Variants in SMIM36 observed in about 807,000 individuals in gnomAD.
The protein encoded by SMIM36 is small integral membrane protein 36.
chr17:55,488,290 G>T (rs778366867), intron 1 of SMIM36, among the ~76,000 whole-genome samples: 1 of 152,144 alleles, frequency 6.6e-6, no homozygotes, highest in African/African-American at 2.4e-5. Flanking sequence ...GAGGCATCCC[G>T]ACTGCAGTCT....
At chr17:55,457,718 G>T (rs996879924) in intron 4 of SMIM36, among the ~76,000 whole-genome samples, 1 of 151,774 alleles carries the variant, frequency 6.6e-6, no homozygotes, top group Non-Finnish European at 1.5e-5. Context: ...GTAGAGACGG[G>T]ATTCACTATA....
intron 1 of SMIM36, among the ~76,000 whole-genome samples, chr17:55,502,081 G>A (rs374020013): frequency 7.2e-5 from 11 of 151,832 alleles, no homozygotes; most frequent in African/African-American, 1.9e-4. Flanking sequence ...CTACGCCCAC[G>A]GAATCTCGCT....
chr17:55,499,966 C>A (rs1909878457), intron 1 of SMIM36, among the ~76,000 whole-genome samples: 1 of 151,000 alleles, frequency 6.6e-6, no homozygotes, highest in African/African-American at 2.4e-5. Context: ...GTGGCAGGGG[C>A]AAATAGGAAA....
chr17:55,469,715 C>T (rs544998904), intron 3 of SMIM36, among the ~76,000 whole-genome samples: 13 of 152,334 alleles, frequency 8.5e-5, no homozygotes, highest in Admixed American at 3.3e-4. Flanking sequence ...TGCAGTGGCT[C>T]ACGCCTGTAA....
At chr17:55,524,957 C>T in the SMIM36 span, among the ~76,000 whole-genome samples, 1 of 152,192 alleles carries the variant, frequency 6.6e-6, no homozygotes, top group African/African-American at 2.4e-5. Context: ...ATCCTCCCAG[C>T]AACTCTATGG....
the SMIM36 span, among the ~76,000 whole-genome samples, chr17:55,520,751 G>A: frequency 2.0e-5 from 3 of 152,242 alleles, no homozygotes. Context: ...GTGTTTGGCA[G>A]AGGTTCACTG....
the SMIM36 span, among the ~76,000 whole-genome samples, chr17:55,524,211 A>G: frequency 0.045 from 6,879 of 152,204 alleles, 516 homozygotes; most frequent in African/African-American, 0.15. Flanking sequence ...GCTAAGGATA[A>G]TGACCTCCAG....
chr17:55,486,535 G>A (rs1183666847), intron 1 of SMIM36, among the ~76,000 whole-genome samples: 2 of 152,116 alleles, frequency 1.3e-5, no homozygotes, highest in Non-Finnish European at 2.9e-5. Flanking sequence ...AGCTCCACAT[G>A]CCCATTTCAC....
chr17:55,464,362 A>G (rs908553243), intron 4 of SMIM36, among the ~76,000 whole-genome samples: 1 of 152,182 alleles, frequency 6.6e-6, no homozygotes, highest in African/African-American at 2.4e-5. Context: ...TTGCAGTGCT[A>G]CTTGTCTAGG....
chr17:55,509,420 C>G (rs1188692338), intron 1 of SMIM36, among the ~76,000 whole-genome samples: 3 of 152,208 alleles, frequency 2.0e-5, no homozygotes, highest in African/African-American at 7.2e-5. Flanking sequence ...TCTTTTAAGA[C>G]AAATCATCTT....
intron 1 of SMIM36, among the ~76,000 whole-genome samples, chr17:55,484,623 C>A (rs991362226): frequency 6.6e-6 from 1 of 152,178 alleles, no homozygotes; most frequent in African/African-American, 2.4e-5. Context: ...CTGCATCAGG[C>A]CTTTCGCTAA....
intron 1 of SMIM36, among the ~76,000 whole-genome samples, chr17:55,483,799 A>C (rs1909560452): frequency 6.6e-6 from 1 of 151,978 alleles, no homozygotes; most frequent in Non-Finnish European, 1.5e-5. Context: ...TAATTTTTGT[A>C]TTTTGAGTAG....
the SMIM36 span, chr17:55,527,246 A>C: frequency 1.3e-5 from 2 of 152,230 alleles, no homozygotes; most frequent in Non-Finnish European, 2.9e-5. Flanking sequence ...GCTGCTAAGG[A>C]ACATTCAGAG....
the SMIM36 span, among the ~76,000 whole-genome samples, chr17:55,524,212 T>C: frequency 1.3e-5 from 2 of 152,224 alleles, no homozygotes; most frequent in South Asian, 4.1e-4. Context: ...CTAAGGATAA[T>C]GACCTCCAGC....
At chr17:55,483,449 A>G (rs1488434248) in intron 1 of SMIM36, among the ~76,000 whole-genome samples, 1 of 152,216 alleles carries the variant, frequency 6.6e-6, no homozygotes, top group Non-Finnish European at 1.5e-5. Context: ...AAAGAGATTA[A>G]CATTTAAATC....
chr17:55,463,655 G>C (rs918276493), intron 4 of SMIM36, among the ~76,000 whole-genome samples: 1 of 152,170 alleles, frequency 6.6e-6, no homozygotes, highest in Non-Finnish European at 1.5e-5. Flanking sequence ...TACAGTTAAA[G>C]GGTAGACAAA....
At chr17:55,498,878 A>G (rs72840453) in intron 1 of SMIM36, among the ~76,000 whole-genome samples, 14,417 of 151,288 alleles carry the variant, frequency 0.095, 967 homozygotes, top group East Asian at 0.25. Context: ...ATGCACTTGT[A>G]ATCCCAGTTA....
At chr17:55,489,606 G>A (rs1238740352) in intron 1 of SMIM36, among the ~76,000 whole-genome samples, 1 of 152,094 alleles carries the variant, frequency 6.6e-6, no homozygotes, top group African/African-American at 2.4e-5. Context: ...ACACTCCTCT[G>A]CAATCCGGAT....
At chr17:55,515,164 G>A (rs1216033208), upstream of SMIM36, among the ~76,000 whole-genome samples, 2 of 131,390 alleles carry the variant, frequency 1.5e-5, no homozygotes, top group African/African-American at 5.4e-5. Flanking sequence ...AGGGAAAGAT[G>A]CTGTAGATGC....
Sources: allele counts gnomAD v4.1 joint callset (sites outside exome capture counted in the v4.1 genomes callset), GRCh38; gene constraint gnomAD v4.1.1; transcripts MANE v1.5; gene names NCBI Gene and HGNC (gene_info 2026-07-23, HGNC 2026-07-21).